The following DGCR6L variants were observed in gnomAD, a reference collection of about 807,000 sequenced individuals.
DGCR6L encodes protein DGCR6L.
A neutral mutation model predicts 31.1 loss-of-function variants in DGCR6L; 24 were observed. The observed-to-expected ratio is 0.77, with a 90% CI of 0.56 to 1.08. The LOEUF is 1.08. DGCR6L is among the 50% of genes least tolerant of loss of function. The pLI is 0.00. For synonymous variants in DGCR6L, 104 were observed against 126.1 expected (o/e 0.82, Z 1.17); for missense variants, 218 against 287.1 (o/e 0.76, Z 1.74).
intron 2 of DGCR6L, among the ~76,000 whole-genome samples, chr22:20,317,717 G>A (rs2051580958): frequency 6.6e-6 from 1 of 152,244 alleles, no homozygotes; most frequent in South Asian, 2.1e-4. Flanking sequence ...AAGCAAGAAA[G>A]TGCTCACAGA....
rs1336845006 is a variant in DGCR6L at position 20,314,636 on chromosome 22, C to T, written c.*39G>A. The T allele has an allele frequency of 7.1e-6, 11 of 1,545,510 alleles. No homozygotes were observed. Among genetic ancestry groups the T allele is most frequent in the Non-Finnish European group, 9.6e-6 (11 of 1,142,672 alleles). Reference sequence around the variant, plus strand: ...AGCTGGGAAGGCAGTGGCCAAAGGTCAAGAAGATGAACTCTGCCCAGACTT... The same window carrying T: ...AGCTGGGAAGGCAGTGGCCAAAGGTTAAGAAGATGAACTCTGCCCAGACTT... On this transcript the variant is annotated 3_prime_UTR_variant, in exon 5 of 5. Coordinates refer to ENST00000248879, the MANE Select transcript of DGCR6L (RefSeq NM_033257.4).
Position 20,319,764 on chromosome 22 carries a change from C to G in DGCR6L, c.146G>C (p.Ser49Thr), listed in dbSNP as rs1313431015. 1 of 1,612,550 alleles carries G rather than the reference C, an allele frequency of 6.2e-7. No homozygotes were observed. The highest frequency in any genetic ancestry group is 8.5e-7 in the Non-Finnish European group (1 of 1,179,440). The change falls in exon 2 of 5, where the codon AGC becomes ACC. Residue 49 changes from serine to threonine, a missense_variant. Physicochemically the swap from Ser to Thr is moderately conservative, Grantham distance 58. Transcript: ENST00000248879. ...GTCGAGAAGCGCCAGGGCCAGGTCG[C>G]TGAGCGTGGTGTAGGACAGGCGCTG... ...FQQRLSYTTL[S>T]DLALALLDGT...
chr22:20,319,717 G>A lies in DGCR6L; in HGVS notation c.193C>T (p.Gln65Ter), dbSNP rs745601261. 4 of 1,613,036 alleles carry A rather than the reference G, an allele frequency of 2.5e-6. No individual in the cohort carries two copies. In the South Asian group the frequency reaches 4.4e-5, roughly 18 times the overall value. The part of the protein sequence containing the change: ...LLDGTVFEIV[Q>*]GLLEIQHLTE... ...AGGTGCTGGATCTCCAGTAGCCCCTGCACGATTTCGAACACGGTGCCGTCG... is the reference window on the plus strand; with the variant it reads ...AGGTGCTGGATCTCCAGTAGCCCCTACACGATTTCGAACACGGTGCCGTCG... Residue 65 changes from glutamine to a stop codon, truncating the protein, a stop_gained, in exon 2 of 5, where the codon CAG becomes TAG. Coordinates refer to ENST00000248879, the MANE Select transcript of DGCR6L (RefSeq NM_033257.4). LOFTEE classifies it high-confidence loss of function.
intron 3 of DGCR6L, 143 bp from the exon 4 acceptor site, chr22:20,315,619 A>G (rs1276198382): frequency 9.8e-5 from 131 of 1,339,934 alleles, no homozygotes; most frequent in Non-Finnish European, 1.3e-4. Flanking sequence ...CATCCTCACC[A>G]CACCCAGGCC....
At chr22:20,315,237 A>G in intron 4 of DGCR6L, 99 bp downstream of exon 4, 2 of 1,544,280 alleles carry the variant, frequency 1.3e-6, no homozygotes. Context: ...CTTCACCCCC[A>G]TACCCTGAGC....
chr22:20,316,191 G>A lies in DGCR6L; in HGVS notation c.300C>T (p.His100=), dbSNP rs1309761534. 5 of 1,608,600 alleles carry A rather than the reference G, an allele frequency of 3.1e-6. No homozygotes were observed. The highest frequency in any genetic ancestry group is 4.2e-6 in the Non-Finnish European group (5 of 1,178,842). ...GCCGGCAGGCCTGCTGGGCTTCCTG[G>A]TGCTTCTGCCGCAGCGCCTGCCTGA... ...RVLRQALRQK[H]QEAQQACRPH... is the part of the protein sequence containing the mutation. The change falls in exon 3 of 5, where the codon CAC becomes CAT. Residue 100 remains histidine, a synonymous_variant. Transcript: ENST00000248879.
chr22:20,316,451 G>T (rs181743770), intron 2 of DGCR6L, among the ~76,000 whole-genome samples: 1 of 152,328 alleles, frequency 6.6e-6, no homozygotes, highest in African/African-American at 2.4e-5. Context: ...GAGTGGGGTG[G>T]GGAAGACTGG....
At position 20,319,945 on chromosome 22, in the gene DGCR6L, G is replaced by T. The variant is rs572136362; in HGVS notation, c.44C>A (p.Ala15Asp). The T allele has an allele frequency of 1.2e-6, 2 of 1,607,972 alleles. No homozygotes were observed. Among genetic ancestry groups the T allele is most frequent in the Admixed American group, 1.7e-5 (1 of 59,470 alleles). Residue 15 changes from alanine to aspartate, a missense_variant, in exon 1 of 5, where the codon GCC becomes GAC. Around this residue, in one of 4 missense-constraint regions of DGCR6L, gnomAD observed 77 missense variants for 71.2 expected, o/e 1.08. Transcript: ENST00000248879. ...CTGGTAGTGTCGCTCCTGCTGCCGG[G>T]CACCGTCCGCCACCTCCTCCAAGGC... ...AAALEEVADG[A>D]RQQERHYQLL...
At chr22:20,319,103 T>C (rs2051589400) in intron 2 of DGCR6L, among the ~76,000 whole-genome samples, 1 of 152,152 alleles carries the variant, frequency 6.6e-6, no homozygotes, top group African/African-American at 2.4e-5. Context: ...CTATATAATT[T>C]GCAGGAAAGG....
chr22:20,317,518 TGCCTGCTGCTGGTGGAACCAGG>T (rs1343701245), intron 2 of DGCR6L, among the ~76,000 whole-genome samples: 1 of 152,244 alleles, frequency 6.6e-6, no homozygotes, highest in Admixed American at 6.5e-5. Context: ...AATGCAGGCA[TGCCTGCTGCTGGTGGAACCAGG>T]GCCTGGCCCA....
Position 20,319,920 on chromosome 22 carries a change from C to A in DGCR6L, c.69G>T (p.Gln23His). 6.2e-7 allele frequency: 1 copy of A among 1,610,936 alleles called. No individual in the cohort carries two copies. The highest frequency in any genetic ancestry group is 8.5e-7 in the Non-Finnish European group (1 of 1,179,248). The change falls in exon 1 of 5, where the codon CAG (glutamine) becomes CAT (histidine). Residue 23 changes from glutamine (Q) to histidine (H), a missense_variant. By Grantham distance (24) the Gln-to-His change is conservative. Coordinates refer to ENST00000248879, the MANE Select transcript of DGCR6L (RefSeq NM_033257.4). ...CCAGGCTCTGTAGCGCCGACAGCAA[C>A]TGGTAGTGTCGCTCCTGCTGCCGGG... is the stretch of plus-strand genomic sequence containing the variant. The part of the protein sequence containing the change: ...DGARQQERHY[Q>H]LLSALQSLVK...
intron 2 of DGCR6L, among the ~76,000 whole-genome samples, chr22:20,317,777 C>T (rs377405101): frequency 3.5e-4 from 54 of 152,372 alleles, no homozygotes; most frequent in African/African-American, 1.3e-3. Flanking sequence ...ACTGGCCACA[C>T]ATGGCACAGT....
intron 4 of DGCR6L, 58 bp from the exon 5 acceptor site, chr22:20,314,882 G>A (rs1469488423): frequency 3.3e-5 from 53 of 1,608,112 alleles, no homozygotes; most frequent in South Asian, 2.0e-4. Flanking sequence ...CTTTCATCCC[G>A]GCCCAAGGGT....
intron 2 of DGCR6L, among the ~76,000 whole-genome samples, chr22:20,316,744 GC>G (rs1266851641): frequency 6.6e-6 from 1 of 152,196 alleles, no homozygotes; most frequent in Non-Finnish European, 1.5e-5. Flanking sequence ...GCAGCTCCCA[GC>G]CCCCGCACAG....
At position 20,319,959 on chromosome 22, in the gene DGCR6L, C is replaced by G. The variant is rs1385121450; in HGVS notation, c.30G>C (p.Glu10Asp). Residue 10 changes from glutamate to aspartate, a missense_variant, in exon 1 of 5, where the codon GAG becomes GAC. By Grantham distance (45) the Glu-to-Asp change is conservative. This residue lies in a region of DGCR6L where 77 missense variants were observed against 71.2 expected (regional missense o/e 1.08). Transcript: ENST00000248879. ...CCTGCTGCCGGGCACCGTCCGCCACCTCCTCCAAGGCGGCCGCGTAGCGCT... is the reference window on the plus strand; with the variant it reads ...CCTGCTGCCGGGCACCGTCCGCCACGTCCTCCAAGGCGGCCGCGTAGCGCT... MERYAAALE[E>D]VADGARQQER... is the part of the protein sequence containing the mutation. The G allele has an allele frequency of 1.9e-6, 3 of 1,605,468 alleles. No homozygotes were observed. The highest frequency in any genetic ancestry group is 2.5e-6 in the Non-Finnish European group (3 of 1,177,420).
intron 2 of DGCR6L, among the ~76,000 whole-genome samples, chr22:20,319,060 A>T (rs186907641): frequency 6.2e-4 from 94 of 152,358 alleles, no homozygotes; most frequent in Non-Finnish European, 1.2e-3. Context: ...AAAAATAACA[A>T]AGGTGGAAAC....
intron 2 of DGCR6L, among the ~76,000 whole-genome samples, chr22:20,317,138 G>A (rs188753861): frequency 2.0e-5 from 3 of 152,294 alleles, no homozygotes; most frequent in Non-Finnish European, 2.9e-5. Context: ...CAGTCCCCAG[G>A]GAACTCCAGG....
Position 20,319,945 on chromosome 22 carries a change from G to C in DGCR6L, c.44C>G (p.Ala15Gly). The change falls in exon 1 of 5, where the codon GCC becomes GGC. Residue 15 changes from alanine to glycine, a missense_variant. By Grantham distance (60) the Ala-to-Gly change is moderately conservative (BLOSUM62 0). This residue lies in a region of DGCR6L where 77 missense variants were observed against 71.2 expected (regional missense o/e 1.08). Transcript: ENST00000248879. ...AAALEEVADG[A>G]RQQERHYQLL... ...CTGGTAGTGTCGCTCCTGCTGCCGG[G>C]CACCGTCCGCCACCTCCTCCAAGGC... 6.2e-7 allele frequency: 1 copy of C among 1,607,972 alleles called. No individual in the cohort carries two copies. The highest frequency in any genetic ancestry group is 8.5e-7 in the Non-Finnish European group (1 of 1,178,322).
In DGCR6L at chr22:20,319,958, C is replaced by T. The variant is rs1184643883; in HGVS notation, c.31G>A (p.Val11Met). The change falls in exon 1 of 5, where the codon GTG becomes ATG. Residue 11 changes from valine (V) to methionine (M), a missense_variant. Transcript: ENST00000248879. The stretch of plus-strand genomic sequence containing the variant: ...TCCTGCTGCCGGGCACCGTCCGCCA[C>T]CTCCTCCAAGGCGGCCGCGTAGCGC... MERYAAALEE[V>M]ADGARQQERH... The T allele has an allele frequency of 6.2e-7, 1 of 1,606,046 alleles. No individual in the cohort carries two copies. Among genetic ancestry groups the T allele is most frequent in the Admixed American group, 1.7e-5 (1 of 59,202 alleles).
Sources: gnomAD v4.1 joint callset for allele counts (sites outside exome capture counted in the v4.1 genomes callset) on GRCh38, gnomAD v4.1.1 for gene constraint, gnomAD v4.1.1 regional missense constraint, MANE v1.5 for transcripts, NCBI Gene and HGNC (gene_info 2026-07-23, HGNC 2026-07-21) for gene names.